Variants in DPP10 observed in about 807,000 individuals in gnomAD.
DPP10 encodes inactive dipeptidyl peptidase 10.
DPP10 carries 33 observed loss-of-function variants against 120.9 expected under a neutral mutation model. The observed-to-expected ratio is 0.27, with a 90% CI of 0.21 to 0.37. DPP10 has a LOEUF of 0.37. DPP10 is among the 10% of genes least tolerant of loss of function. DPP10 has a pLI of 1.00. For missense variants in DPP10, 816 were observed against 942.8 expected (o/e 0.87, Z 1.76); for synonymous variants, 337 against 326.1 (o/e 1.03, Z -0.36).
intron 1 of DPP10, among the ~76,000 whole-genome samples, chr2:115,123,130 C>A (rs937394905): frequency 4.6e-5 from 7 of 152,142 alleles, no homozygotes; most frequent in Non-Finnish European, 8.8e-5. Flanking sequence ...TCCTTGCCTC[C>A]TTGGAGGAAA....
intron 1 of DPP10, among the ~76,000 whole-genome samples, chr2:115,293,640 A>C (rs1341171832): frequency 6.6e-6 from 1 of 152,144 alleles, no homozygotes; most frequent in African/African-American, 2.4e-5. Context: ...TGTGTGATTT[A>C]GTAACATAGA....
rs946652339 is a variant in DPP10 at position 115,697,809 on chromosome 2, C to T, written c.576+7888C>T. ...GACCATCCTGGCTAACACGGTGAAA[C>T]CCCGCCTCCACTAAAAATACAAAAA... On this transcript the variant is annotated intron_variant, in intron 7 of 25. Coordinates refer to ENST00000410059, the MANE Select transcript of DPP10 (RefSeq NM_020868.6). 2.0e-5 allele frequency among the ~76,000 whole-genome samples: 3 copies of T among 152,074 alleles called. No individual in the cohort carries two copies. In the South Asian group the frequency reaches 6.2e-4, roughly 32 times the overall value.
intron 1 of DPP10, among the ~76,000 whole-genome samples, chr2:114,736,327 A>G (rs1460907819): frequency 6.6e-6 from 1 of 152,106 alleles, no homozygotes; most frequent in Non-Finnish European, 1.5e-5. Context: ...TCTCAAGTGC[A>G]AAGATATGTC....
intron 1 of DPP10, among the ~76,000 whole-genome samples, chr2:115,053,659 A>C (rs567415097): frequency 6.6e-6 from 1 of 152,362 alleles, no homozygotes; most frequent in African/African-American, 2.4e-5. Flanking sequence ...TTCCAATACA[A>C]GTTTTCAATA....
intron 17 of DPP10, among the ~76,000 whole-genome samples, chr2:115,787,832 C>G (rs10167394): frequency 1.3e-3 from 199 of 152,172 alleles, no homozygotes; most frequent in African/African-American, 4.7e-3. Flanking sequence ...AATTAAAAGA[C>G]ACATTACATC....
At chr2:115,590,361 C>A (rs2082574814) in intron 5 of DPP10, among the ~76,000 whole-genome samples, 1 of 152,036 alleles carries the variant, frequency 6.6e-6, no homozygotes, top group African/African-American at 2.4e-5. Flanking sequence ...TGTTCCCCAC[C>A]CTGTGTCCAA....
At chr2:114,663,666 T>TAGAGAGAGAGAGAGAGAGAG (rs1264946349) in intron 1 of DPP10, among the ~76,000 whole-genome samples, 41 of 92,592 alleles carry the variant, frequency 4.4e-4, no homozygotes, top group African/African-American at 1.5e-3. Flanking sequence ...TATATATATA[T>TAGAGAGAGAGAGAGAGAGAG]ATAGAGAGAG....
intron 1 of DPP10, among the ~76,000 whole-genome samples, chr2:115,303,333 T>G (rs1034895311): frequency 1.3e-5 from 2 of 152,002 alleles, no homozygotes; most frequent in African/African-American, 4.8e-5. Context: ...GAAAGTTATC[T>G]CAGTTCCTTT....
chr2:115,390,495 C>CT (rs1204226158), intron 3 of DPP10, among the ~76,000 whole-genome samples: 9 of 152,022 alleles, frequency 5.9e-5, no homozygotes, highest in South Asian at 2.1e-4. Context: ...CCATCTTGCT[C>CT]TTTTTTTTAT....
chr2:115,426,991 T>A (rs2070533768), intron 3 of DPP10, among the ~76,000 whole-genome samples: 1 of 152,184 alleles, frequency 6.6e-6, no homozygotes, highest in South Asian at 2.1e-4. Flanking sequence ...CATTCCCAAA[T>A]GGAGAAATCA....
At chr2:115,115,576 C>A (rs2049459818) in intron 1 of DPP10, among the ~76,000 whole-genome samples, 1 of 152,184 alleles carries the variant, frequency 6.6e-6, no homozygotes, top group Non-Finnish European at 1.5e-5. Context: ...ATTAATCATT[C>A]CCATCCATTA....
At chr2:115,586,623 T>G (rs1490308720) in intron 5 of DPP10, among the ~76,000 whole-genome samples, 1 of 152,200 alleles carries the variant, frequency 6.6e-6, no homozygotes. Context: ...AAGACAGGAT[T>G]TTGGCTGTTT....
At chr2:114,922,632 T>C (rs1224268304) in intron 1 of DPP10, among the ~76,000 whole-genome samples, 1 of 152,196 alleles carries the variant, frequency 6.6e-6, no homozygotes, top group Non-Finnish European at 1.5e-5. Context: ...ATATAAGTGG[T>C]ACTACACAGT....
intron 1 of DPP10, among the ~76,000 whole-genome samples, chr2:115,113,376 A>C (rs368591664): frequency 6.6e-6 from 1 of 151,576 alleles, no homozygotes; most frequent in East Asian, 1.9e-4. Flanking sequence ...GTCTTCTGTT[A>C]GCCTTAAATT....
intron 2 of DPP10, among the ~76,000 whole-genome samples, chr2:115,334,964 T>G (rs1416081478): frequency 2.6e-5 from 4 of 151,744 alleles, no homozygotes; most frequent in Non-Finnish European, 5.9e-5. Flanking sequence ...TTCACGCTGC[T>G]GATAAAGATA....
intron 7 of DPP10, among the ~76,000 whole-genome samples, chr2:115,715,755 A>G (rs975393230): frequency 4.6e-5 from 7 of 152,164 alleles, no homozygotes; most frequent in African/African-American, 1.4e-4. Context: ...CTATCTTTAC[A>G]TTTTCTTTAT....
intron 1 of DPP10, among the ~76,000 whole-genome samples, chr2:114,997,692 A>G (rs1574660029): frequency 6.6e-6 from 1 of 152,178 alleles, no homozygotes; most frequent in East Asian, 1.9e-4. Flanking sequence ...AAATCTAGAA[A>G]TAGGGATGAG....
At chr2:115,688,418 G>T (rs935775554) in intron 5 of DPP10, among the ~76,000 whole-genome samples, 9 of 152,048 alleles carry the variant, frequency 5.9e-5, no homozygotes, top group Admixed American at 5.9e-4. Context: ...TGACTTCTAG[G>T]GAGTTTTAAT....
At chr2:114,463,461 A>G (rs993870524) in intron 1 of DPP10, 5 of 152,226 alleles carry the variant, frequency 3.3e-5, no homozygotes, top group African/African-American at 1.2e-4. Flanking sequence ...AGCTTTACCA[A>G]CTAGAGGACA....
Sources: allele counts gnomAD v4.1 joint callset (sites outside exome capture counted in the v4.1 genomes callset), GRCh38; gene constraint gnomAD v4.1.1; transcripts MANE v1.5; gene names NCBI Gene and HGNC (gene_info 2026-07-23, HGNC 2026-07-21).